DPP10: variants seen among roughly 807,000 people sequenced by gnomAD.
DPP10 encodes dipeptidyl peptidase like 10, also known as inactive dipeptidyl peptidase 10.
In DPP10, 33 loss-of-function variants were observed where a neutral mutation model predicts 120.9. The observed-to-expected ratio is 0.27, with a 90% confidence interval of 0.21 to 0.37. DPP10 has a LOEUF of 0.37. Ranked by LOEUF, DPP10 falls within the 10% of genes least tolerant of loss-of-function variation. DPP10 has a pLI of 1.00. For missense variants in DPP10, 816 were observed against 942.8 expected (o/e 0.87, Z 1.76); for synonymous variants, 337 against 326.1 (o/e 1.03, Z -0.36).
chr2:114,996,811 G>A (rs1411473930), intron 1 of DPP10, among the ~76,000 whole-genome samples: 2 of 151,610 alleles, frequency 1.3e-5, no homozygotes, highest in African/African-American at 2.4e-5. Context: ...GTGAAACTCC[G>A]TCTCTATAAA....
intron 9 of DPP10, among the ~76,000 whole-genome samples, chr2:115,741,608 G>A (rs1408369769): frequency 1.3e-5 from 2 of 152,066 alleles, no homozygotes; most frequent in Non-Finnish European, 2.9e-5. Flanking sequence ...ACTGTGAAAG[G>A]CACATTCAAC....
intron 7 of DPP10, among the ~76,000 whole-genome samples, chr2:115,715,340 A>AG (rs2149588698): frequency 2.1e-4 from 2 of 9,706 alleles, no homozygotes; most frequent in African/African-American, 4.6e-4. Context: ...ACTCCGTCTC[A>AG]AAAAAAAAAA....
rs962186635 is a variant in DPP10 at position 115,664,756 on chromosome 2, A to G, written c.442-24931A>G. Among the ~76,000 whole-genome samples, 6 of 152,332 alleles carry G rather than the reference A, an allele frequency of 3.9e-5. No homozygotes were observed. The East Asian group carries it at 1.2e-3, about 29-fold the overall frequency. Reference sequence around the variant, plus strand: ...GGACCAAGGATGTCAAAGTAGCACTAGTATTTTCAGAGCAGTGCATTAGGG... The same window carrying G: ...GGACCAAGGATGTCAAAGTAGCACTGGTATTTTCAGAGCAGTGCATTAGGG... On this transcript the variant is annotated intron_variant, in intron 5 of 25. Transcript: ENST00000410059.
chr2:114,753,908 CAAAAAAAA>C (rs777798352), intron 1 of DPP10, among the ~76,000 whole-genome samples: 1 of 33,766 alleles, frequency 3.0e-5, no homozygotes, highest in African/African-American at 8.9e-5. Context: ...GACTCCTTCT[CAAAAAAAA>C]AAAAAAAAAA....
chr2:115,543,175 G>A (rs957827926), intron 5 of DPP10, among the ~76,000 whole-genome samples: 1 of 151,974 alleles, frequency 6.6e-6, no homozygotes, highest in African/African-American at 2.4e-5. Context: ...TCACAGTTGG[G>A]GTCCTCAGCC....
intron 5 of DPP10, among the ~76,000 whole-genome samples, chr2:115,613,031 G>T (rs951070254): frequency 6.6e-6 from 1 of 152,100 alleles, no homozygotes; most frequent in Non-Finnish European, 1.5e-5. Flanking sequence ...ACTACTACAT[G>T]ACCTTCATGC....
intron 1 of DPP10, among the ~76,000 whole-genome samples, chr2:114,534,492 T>G (rs1041365597): frequency 4.6e-5 from 7 of 152,190 alleles, no homozygotes; most frequent in African/African-American, 1.7e-4. Flanking sequence ...CTCCAGTGTC[T>G]TTGGTAATTT....
intron 7 of DPP10, among the ~76,000 whole-genome samples, chr2:115,692,894 T>G (rs1311282714): frequency 6.6e-6 from 1 of 152,174 alleles, no homozygotes; most frequent in Non-Finnish European, 1.5e-5. Context: ...TTTCATATCA[T>G]GAGAAGCCTA....
chr2:115,746,877 T>G (rs1678048112), intron 10 of DPP10, among the ~76,000 whole-genome samples: 1 of 152,198 alleles, frequency 6.6e-6, no homozygotes, highest in South Asian at 2.1e-4. Flanking sequence ...GGCAGCTGAT[T>G]TAGAAAAATG....
chr2:115,338,581 C>G (rs1182102738), intron 2 of DPP10, among the ~76,000 whole-genome samples: 1 of 152,184 alleles, frequency 6.6e-6, no homozygotes, highest in East Asian at 1.9e-4. Context: ...CTGCCTCAGC[C>G]TCCCAAGCAG....
At chr2:115,084,626 C>T (rs1708546782) in intron 1 of DPP10, among the ~76,000 whole-genome samples, 1 of 152,156 alleles carries the variant, frequency 6.6e-6, no homozygotes, top group Admixed American at 6.5e-5. Flanking sequence ...TCAGATTTAT[C>T]TTGGGAAAAG....
At chr2:115,289,377 C>T (rs573294158) in intron 1 of DPP10, among the ~76,000 whole-genome samples, 1 of 151,254 alleles carries the variant, frequency 6.6e-6, no homozygotes, top group Non-Finnish European at 1.5e-5. Flanking sequence ...AATGGCCATA[C>T]TGTCCAAAGC....
At chr2:114,496,905 G>A (rs1182255090) in intron 1 of DPP10, among the ~76,000 whole-genome samples, 1 of 151,790 alleles carries the variant, frequency 6.6e-6, no homozygotes, top group Admixed American at 6.6e-5. Flanking sequence ...GCCTCTAATA[G>A]GTTAATTACA....
At chr2:115,602,475 T>C (rs925013315) in intron 5 of DPP10, among the ~76,000 whole-genome samples, 4 of 152,258 alleles carry the variant, frequency 2.6e-5, no homozygotes, top group Non-Finnish European at 5.9e-5. Context: ...AAGGAAATGA[T>C]ATCATTCAAC....
chr2:115,782,264 T>TG, intron 16 of DPP10, 88 bp from the exon 17 acceptor site: 1 of 1,161,706 alleles, frequency 8.6e-7, no homozygotes, highest in Non-Finnish European at 1.2e-6. Context: ...TGCTTCCATT[T>TG]GGGGGGAAAA....
chr2:115,505,914 T>C (rs976403631), intron 4 of DPP10, among the ~76,000 whole-genome samples: 1 of 152,108 alleles, frequency 6.6e-6, no homozygotes, highest in Non-Finnish European at 1.5e-5. Context: ...ACATTGTGTA[T>C]TCTTCCATAT....
intron 1 of DPP10, among the ~76,000 whole-genome samples, chr2:114,988,342 T>C (rs1700552786): frequency 6.6e-6 from 1 of 152,214 alleles, no homozygotes; most frequent in Non-Finnish European, 1.5e-5. Context: ...GATCATTTTG[T>C]AAATAATATG....
At chr2:114,669,196 C>A (rs1245373325) in intron 1 of DPP10, among the ~76,000 whole-genome samples, 1 of 152,132 alleles carries the variant, frequency 6.6e-6, no homozygotes, top group Non-Finnish European at 1.5e-5. Flanking sequence ...AAAGCCTATA[C>A]ATTTTAGTGT....
At chr2:115,651,851 G>A (rs1242497909) in intron 5 of DPP10, among the ~76,000 whole-genome samples, 1 of 152,052 alleles carries the variant, frequency 6.6e-6, no homozygotes, top group African/African-American at 2.4e-5. Context: ...ACAGTGACAT[G>A]CTTAATTCTT....
Sources: allele counts gnomAD v4.1 joint callset (sites outside exome capture counted in the v4.1 genomes callset), GRCh38; gene constraint gnomAD v4.1.1; transcripts MANE v1.5; gene names NCBI Gene and HGNC (gene_info 2026-07-23, HGNC 2026-07-21).